Variants in OSBPL3 observed in about 807,000 individuals in gnomAD.
OSBPL3 encodes oxysterol binding protein like 3, also known as oxysterol-binding protein-related protein 3.
In OSBPL3, 65 loss-of-function variants were observed where a neutral mutation model predicts 120.1. That is an observed-to-expected ratio of 0.54 (90% CI 0.44 to 0.67). OSBPL3 has a LOEUF of 0.67. Ranked by LOEUF, OSBPL3 falls within the 30% of genes least tolerant of loss-of-function variation. The pLI, the probability that OSBPL3 is intolerant of heterozygous loss-of-function variation, is 0.00. For missense variants in OSBPL3, 1,004 were observed against 1,082.1 expected (o/e 0.93, Z 1.01); for synonymous variants, 416 against 402.6 (o/e 1.03, Z -0.40).
rs1794834580 is a variant in OSBPL3 at position 24,819,288 on chromosome 7, AAAG to A, written c.1948+884_1948+886del. ...AAAAAAATCCAACTTTTGAAAAAACAAAGAAGAGGTGCTTATAGCATGAGTGAG... is the reference window on the plus strand; with the variant it reads ...AAAAAAATCCAACTTTTGAAAAAACAAAGAGGTGCTTATAGCATGAGTGAG... On this transcript the variant is annotated intron_variant, in intron 17 of 22. Transcript: ENST00000313367. This position sits in a 1 kb window ranked among gnomAD's most constrained non-coding sequence, Gnocchi z 4.1. 6.6e-6 allele frequency among the ~76,000 whole-genome samples: 1 copy of A among 152,120 alleles called. No individual in the cohort carries two copies. The highest frequency in any genetic ancestry group is 1.5e-5 in the Non-Finnish European group (1 of 68,030).
At chr7:24,846,953 C>T (rs903633263) in intron 12 of OSBPL3, among the ~76,000 whole-genome samples, 1 of 150,844 alleles carries the variant, frequency 6.6e-6, no homozygotes, top group Non-Finnish European at 1.5e-5. Context: ...GCCCCAGCTG[C>T]TGGGAAGGCT....
rs778788668 is a variant in OSBPL3 at position 24,804,265 on chromosome 7, C to T, written c.2567+50G>A. 6.0e-5 allele frequency: 97 copies of T among 1,610,298 alleles called. No individual in the cohort carries two copies. The highest frequency in any genetic ancestry group is 3.4e-4 in the Middle Eastern group (2 of 5,912). ...CACTTTCTGCAAACCAGAAGCATAACGTGCTGGCACCACCTATCAACCAAA... is the reference window on the plus strand; with the variant it reads ...CACTTTCTGCAAACCAGAAGCATAATGTGCTGGCACCACCTATCAACCAAA... On this transcript the variant is annotated intron_variant, in intron 22 of 22. Coordinates refer to ENST00000313367, the MANE Select transcript of OSBPL3 (RefSeq NM_015550.4). The surrounding 1 kb of genome is among the most constrained non-coding windows in gnomAD (Gnocchi z 5.4).
At position 24,879,701 on chromosome 7, in the gene OSBPL3, C is replaced by A. The variant is rs1803376438; in HGVS notation, c.97-7632G>T. Among the ~76,000 whole-genome samples the A allele has an allele frequency of 6.6e-6, 1 of 152,226 alleles. No individual in the cohort carries two copies. Among genetic ancestry groups the A allele is most frequent in the African/African-American group, 2.4e-5 (1 of 41,452 alleles). ...CTCTGTCAGTGGCTCCACCTGAGGT[C>A]ATTCCCATCCTGAGTTTCCAAAGAG... On this transcript the variant is annotated intron_variant, in intron 2 of 22. Transcript: ENST00000313367. The surrounding 1 kb of genome is among the most constrained non-coding windows in gnomAD (Gnocchi z 5.6).
chr7:24,934,222 T>C (rs1216962464), intron 1 of OSBPL3, among the ~76,000 whole-genome samples: 2 of 152,214 alleles, frequency 1.3e-5, no homozygotes, highest in Non-Finnish European at 2.9e-5. Context: ...TCAACACTGA[T>C]CTTATTGACA....
chr7:24,902,091 A>C (rs1450700422), intron 1 of OSBPL3, among the ~76,000 whole-genome samples: 2 of 152,202 alleles, frequency 1.3e-5, no homozygotes, highest in African/African-American at 4.8e-5. Flanking sequence ...GCAAAATGGG[A>C]ATAATTAAAG....
At chr7:24,845,451 G>A (rs973101962) in intron 12 of OSBPL3, among the ~76,000 whole-genome samples, 1 of 121,622 alleles carries the variant, frequency 8.2e-6, no homozygotes, top group Non-Finnish European at 1.6e-5. Context: ...GTGTATGTGT[G>A]TGTGTGTGTA....
chr7:24,908,728 G>A (rs1808326127), intron 1 of OSBPL3, among the ~76,000 whole-genome samples: 2 of 152,200 alleles, frequency 1.3e-5, no homozygotes. Flanking sequence ...CAGCTGCCCA[G>A]GCTTTTTTAA....
In OSBPL3 at chr7:24,953,948, T is replaced by C. The variant is rs999406423; in HGVS notation, c.-150+25938A>G. 6.6e-6 allele frequency among the ~76,000 whole-genome samples: 1 copy of C among 152,166 alleles called. No individual in the cohort carries two copies. Among genetic ancestry groups the C allele is most frequent in the African/African-American group, 2.4e-5 (1 of 41,432 alleles). On this transcript the variant is annotated intron_variant, in intron 1 of 22. Transcript: ENST00000313367. The surrounding 1 kb of genome is among the most constrained non-coding windows in gnomAD (Gnocchi z 4.3). ...ATGATCAACAGTCTGGAACACTTTC[T>C]CAATCACCAGATGAACCTTAGAACA...
At chr7:24,927,628 T>A (rs892327918) in intron 1 of OSBPL3, among the ~76,000 whole-genome samples, 3 of 152,184 alleles carry the variant, frequency 2.0e-5, no homozygotes, top group Non-Finnish European at 4.4e-5. Flanking sequence ...ATTGTTCAGT[T>A]TTTTTCACCG....
intron 11 of OSBPL3, among the ~76,000 whole-genome samples, chr7:24,850,394 G>T (rs1798999385): frequency 6.6e-6 from 1 of 152,154 alleles, no homozygotes; most frequent in African/African-American, 2.4e-5. Flanking sequence ...CAGCTCCACG[G>T]GTGCTCGCAT....
intron 15 of OSBPL3, among the ~76,000 whole-genome samples, chr7:24,832,023 C>T (rs1001020325): frequency 5.9e-5 from 9 of 151,510 alleles, no homozygotes; most frequent in East Asian, 3.9e-4. Flanking sequence ...GACAACATGG[C>T]GAAACCTCTT....
chr7:24,858,338 G>A (rs1456296199), intron 10 of OSBPL3, among the ~76,000 whole-genome samples: 1 of 152,224 alleles, frequency 6.6e-6, no homozygotes, highest in Non-Finnish European at 1.5e-5. Flanking sequence ...AATAGATACT[G>A]TCAGTAACAA....
chr7:24,848,492 T>C (rs1332391250), intron 12 of OSBPL3, among the ~76,000 whole-genome samples: 1 of 152,236 alleles, frequency 6.6e-6, no homozygotes, highest in African/African-American at 2.4e-5. Context: ...GCAAAGACTA[T>C]TTTGGATAAA....
intron 6 of OSBPL3, 23 bp from the exon 7 acceptor site, chr7:24,865,488 A>T (rs572083758): frequency 6.2e-7 from 1 of 1,611,312 alleles, no homozygotes; most frequent in Non-Finnish European, 8.5e-7. Flanking sequence ...TGACAAAAGC[A>T]CATTGTAAAT....
At chr7:24,801,519 T>C (rs1792355374) in intron 22 of OSBPL3, among the ~76,000 whole-genome samples, 1 of 152,222 alleles carries the variant, frequency 6.6e-6, no homozygotes, top group Non-Finnish European at 1.5e-5. Context: ...GACATAATGT[T>C]GTACCAGACA....
Position 24,822,753 on chromosome 7 carries a change from T to C in OSBPL3, c.1885-2515A>G, listed in dbSNP as rs984351326. On this transcript the variant is annotated intron_variant, in intron 16 of 22. Coordinates refer to ENST00000313367, the MANE Select transcript of OSBPL3 (RefSeq NM_015550.4). This position sits in a 1 kb window ranked among gnomAD's most constrained non-coding sequence, Gnocchi z 5.8. Reference sequence around the variant, plus strand: ...AAACCCCATAAAACAGGGATAAATATACATCCATATGAATTACAAGAGAAC... The same window carrying C: ...AAACCCCATAAAACAGGGATAAATACACATCCATATGAATTACAAGAGAAC... Among the ~76,000 whole-genome samples the C allele has an allele frequency of 6.6e-6, 1 of 152,190 alleles. No homozygotes were observed. The highest frequency in any genetic ancestry group is 2.4e-5 in the African/African-American group (1 of 41,444).
intron 1 of OSBPL3, among the ~76,000 whole-genome samples, chr7:24,905,796 C>A (rs938456829): frequency 6.6e-6 from 1 of 152,146 alleles, no homozygotes; most frequent in Non-Finnish European, 1.5e-5. Flanking sequence ...TTCGGGAGGC[C>A]GAGGTGGGTG....
chr7:24,865,298 ATC>A, intron 7 of OSBPL3, 42 bp downstream of exon 7: 2 of 1,605,024 alleles, frequency 1.2e-6, no homozygotes, highest in South Asian at 2.2e-5. Context: ...AACCAGTATC[ATC>A]TAATAGCCAC....
chr7:24,889,447 C>T (rs1034726358), intron 2 of OSBPL3, among the ~76,000 whole-genome samples: 1 of 151,314 alleles, frequency 6.6e-6, no homozygotes, highest in Non-Finnish European at 1.5e-5. Context: ...AATGTTCTTA[C>T]CACACACACA....
Sources: allele counts gnomAD v4.1 joint callset (sites outside exome capture counted in the v4.1 genomes callset), GRCh38; gene constraint gnomAD v4.1.1; non-coding constraint Gnocchi (gnomAD v3.1); transcripts MANE v1.5; gene names NCBI Gene and HGNC (gene_info 2026-07-23, HGNC 2026-07-21).